Variants in TLK1 observed in about 807,000 individuals in gnomAD.
TLK1 encodes tousled like kinase 1, also known as serine/threonine-protein kinase tousled-like 1.
Under a neutral mutation model 105.3 loss-of-function variants are expected in TLK1, and 24 were observed. That is an observed-to-expected ratio of 0.23 (90% CI 0.17 to 0.32). TLK1 has a LOEUF of 0.32. Ranked by LOEUF, TLK1 falls within the 10% of genes least tolerant of loss-of-function variation. TLK1 has a pLI of 1.00. For missense variants in TLK1, 558 were observed against 910.5 expected, an observed-to-expected ratio of 0.61 and a Z score of 4.98; for synonymous variants, 321 against 310.4, an observed-to-expected ratio of 1.03 and a Z score of -0.36.
intron 18 of TLK1, among the ~76,000 whole-genome samples, chr2:170,999,138 C>T (rs1217408148): frequency 6.6e-6 from 1 of 152,178 alleles, no homozygotes; most frequent in Non-Finnish European, 1.5e-5. Context: ...AGATCCATCA[C>T]AAGGATGCAA....
At chr2:171,066,695 T>A (rs1414675157) in intron 3 of TLK1, 1 of 788,562 alleles carries the variant, frequency 1.3e-6, no homozygotes, top group East Asian at 2.9e-5. Flanking sequence ...TTGATGAAAA[T>A]GATTTTGTCT....
At chr2:171,012,719 C>A (rs959558155) in intron 13 of TLK1, among the ~76,000 whole-genome samples, 1 of 152,088 alleles carries the variant, frequency 6.6e-6, no homozygotes, top group Non-Finnish European at 1.5e-5. Context: ...CCTTGTGATC[C>A]GCCTGCCTCG....
intron 10 of TLK1, 149 bp downstream of exon 10, chr2:171,049,665 T>C (rs1687139269): frequency 2.3e-6 from 2 of 871,350 alleles, no homozygotes; most frequent in East Asian, 2.7e-5. Flanking sequence ...ACTGTAATAC[T>C]CTTGGTTTCA....
intron 1 of TLK1, among the ~76,000 whole-genome samples, chr2:171,205,134 G>A (rs991919388): frequency 2.0e-5 from 3 of 151,994 alleles, no homozygotes; most frequent in Admixed American, 1.3e-4. Context: ...GATTGCTTGA[G>A]CCCGGGAGTT....
chr2:171,028,724 G>A (rs1166591896), intron 11 of TLK1, among the ~76,000 whole-genome samples: 1 of 152,140 alleles, frequency 6.6e-6, no homozygotes, highest in Non-Finnish European at 1.5e-5. Flanking sequence ...TTTATCAAGT[G>A]ATGTTCTAGA....
At chr2:171,214,929 T>C (rs963877868) in intron 1 of TLK1, among the ~76,000 whole-genome samples, 7 of 152,006 alleles carry the variant, frequency 4.6e-5, no homozygotes, top group African/African-American at 9.7e-5. Context: ...TGCAATCATG[T>C]TCTCTTTCAA....
intron 7 of TLK1, 141 bp downstream of exon 7, chr2:171,054,942 T>G (rs559198562): frequency 2.2e-6 from 1 of 444,542 alleles, no homozygotes; most frequent in African/African-American, 2.0e-5. Context: ...AATTCTGTTG[T>G]TTTTGTTTAG....
chr2:170,999,136 C>T (rs2105352906), intron 18 of TLK1, among the ~76,000 whole-genome samples: 1 of 152,294 alleles, frequency 6.6e-6, no homozygotes, highest in African/African-American at 2.4e-5. Flanking sequence ...AAAGATCCAT[C>T]ACAAGGATGC....
intron 1 of TLK1, among the ~76,000 whole-genome samples, chr2:171,135,936 T>C (rs1278376968): frequency 6.6e-6 from 1 of 152,142 alleles, no homozygotes; most frequent in East Asian, 1.9e-4. Flanking sequence ...AATGGGAACC[T>C]TTGTGTACTG....
chr2:171,054,345 A>G (rs952139414), intron 7 of TLK1: 1 of 152,342 alleles, frequency 6.6e-6, no homozygotes, highest in Non-Finnish European at 1.5e-5. Flanking sequence ...TGTAGCCCCT[A>G]TGATGTATAA....
At chr2:171,094,052 G>A (rs11899389) in intron 2 of TLK1, among the ~76,000 whole-genome samples, 3,035 of 152,252 alleles carry the variant, frequency 0.02, 94 homozygotes, top group African/African-American at 0.067. Context: ...TTGCAAGGGA[G>A]AGCCCTAGTC....
At chr2:171,050,785 TC>T (rs1236601752) in intron 8 of TLK1, among the ~76,000 whole-genome samples, 1 of 152,130 alleles carries the variant, frequency 6.6e-6, no homozygotes, top group African/African-American at 2.4e-5. Flanking sequence ...AAAAGATGAG[TC>T]TGATTAGTAC....
chr2:171,022,274 T>C (rs1685564187), intron 12 of TLK1, among the ~76,000 whole-genome samples: 1 of 152,160 alleles, frequency 6.6e-6, no homozygotes. Context: ...GATAAGAACG[T>C]AAACACTGAG....
chr2:171,212,930 T>A (rs1693647090), intron 1 of TLK1, among the ~76,000 whole-genome samples: 1 of 152,100 alleles, frequency 6.6e-6, no homozygotes, highest in East Asian at 1.9e-4. Context: ...GTATTTAACA[T>A]GAAAAAACTT....
At chr2:171,059,097 A>G (rs774293110) in intron 4 of TLK1, among the ~76,000 whole-genome samples, 1 of 152,198 alleles carries the variant, frequency 6.6e-6, no homozygotes, top group Non-Finnish European at 1.5e-5. Context: ...TAAAAACTAA[A>G]CAAGTATTCA....
At chr2:171,048,244 T>C (rs1295006278) in intron 10 of TLK1, among the ~76,000 whole-genome samples, 3 of 152,240 alleles carry the variant, frequency 2.0e-5, no homozygotes, top group South Asian at 2.1e-4. Context: ...CCACTGCACC[T>C]GTGGCCTCTT....
chr2:171,076,362 C>T (rs984622138), intron 3 of TLK1, among the ~76,000 whole-genome samples: 2 of 152,152 alleles, frequency 1.3e-5, no homozygotes, highest in Non-Finnish European at 2.9e-5. Context: ...CACACGCTCA[C>T]TTCTGCCTTC....
At chr2:171,149,819 T>C (rs1045600769) in intron 1 of TLK1, among the ~76,000 whole-genome samples, 7 of 151,902 alleles carry the variant, frequency 4.6e-5, no homozygotes, top group Non-Finnish European at 1.5e-5. Flanking sequence ...GATGAAGAAG[T>C]ATGCTTGAGC....
chr2:171,147,977 G>A (rs1309913644), intron 1 of TLK1, among the ~76,000 whole-genome samples: 1 of 150,600 alleles, frequency 6.6e-6, no homozygotes, highest in Non-Finnish European at 1.5e-5. Flanking sequence ...TGCAACATCC[G>A]CCTCCCAGGT....
Sources: gnomAD v4.1 joint callset for allele counts (sites outside exome capture counted in the v4.1 genomes callset) on GRCh38, gnomAD v4.1.1 for gene constraint, MANE v1.5 for transcripts, NCBI Gene and HGNC (gene_info 2026-07-23, HGNC 2026-07-21) for gene names.